The following FOXK2 variants were observed in gnomAD, a reference collection of about 807,000 sequenced individuals.
FOXK2 encodes the protein forkhead box K2.
A neutral mutation model predicts 53.3 loss-of-function variants in FOXK2; 24 were observed. The ratio of observed to expected loss-of-function variants is 0.45; its 90% CI spans 0.33 to 0.63. FOXK2 has a LOEUF of 0.63. FOXK2 is among the 30% of genes least tolerant of loss of function. FOXK2 has a pLI of 0.03. For synonymous variants in FOXK2, 505 were observed against 407.1 expected, an observed-to-expected ratio of 1.24 and a Z score of -2.89; for missense variants, 952 against 910.5, an observed-to-expected ratio of 1.05 and a Z score of -0.59.
intron 4 of FOXK2, among the ~76,000 whole-genome samples, chr17:82,581,792 T>C (rs1039431211): frequency 6.6e-6 from 1 of 152,114 alleles, no homozygotes; most frequent in African/African-American, 2.4e-5. Flanking sequence ...GTATGTTCAG[T>C]AGAGACGGGG....
intron 3 of FOXK2, among the ~76,000 whole-genome samples, chr17:82,570,135 T>C (rs2044900230): frequency 1.3e-5 from 2 of 151,804 alleles, no homozygotes; most frequent in Admixed American, 1.3e-4. Flanking sequence ...GGCAGGAGAA[T>C]GGCGTGAACC....
chr17:82,577,018 G>A (rs2044995391), intron 4 of FOXK2, among the ~76,000 whole-genome samples: 2 of 152,006 alleles, frequency 1.3e-5, no homozygotes, highest in South Asian at 4.2e-4. Flanking sequence ...TATTATTAGC[G>A]GGGTGTGGTG....
chr17:82,589,369 T>C (rs1053870818), intron 8 of FOXK2, among the ~76,000 whole-genome samples: 27 of 152,356 alleles, frequency 1.8e-4, no homozygotes, highest in African/African-American at 6.3e-4. Flanking sequence ...TGTCATTTAT[T>C]AGTCATATCT....
rs749567586 is a variant in FOXK2, at chr17:82,541,662, A to G, written c.419+21355A>G. Among the ~76,000 whole-genome samples, 21 of 151,940 alleles carry G rather than the reference A, an allele frequency of 1.4e-4. 1 individual carries two copies. Among genetic ancestry groups the G allele is most frequent in the Non-Finnish European group, 2.4e-4 (16 of 68,000 alleles). ...AATGAAAACTGATAACTTTTTTTTC[A>G]TACTTAACACACTGTGAACTGCATT... On this transcript the variant is annotated intron_variant, in intron 1 of 8. Transcript: ENST00000335255.
Position 82,585,988 on chromosome 17 carries a change from C to T in FOXK2, c.1364C>T (p.Ala455Val), listed in dbSNP as rs753468964. The T allele has an allele frequency of 1.1e-5, 17 of 1,612,722 alleles. No individual in the cohort carries two copies. Among genetic ancestry groups the T allele is most frequent in the South Asian group, 3.3e-5 (3 of 91,088 alleles). ...ATCAAGCCTGTCACCTACACTGTGG[C>T]CACCCCAGTGACCACCTCGACCTCC... The part of the protein sequence containing the change: ...QAIKPVTYTV[A>V]TPVTTSTSQP... The change falls in exon 7 of 9, where the codon GCC becomes GTC. Residue 455 changes from alanine to valine, a missense_variant. By Grantham distance (64) the Ala-to-Val change is moderately conservative (BLOSUM62 0). Transcript: ENST00000335255.
At chr17:82,576,882 G>T (rs967570377) in intron 4 of FOXK2, 10 of 487,476 alleles carry the variant, frequency 2.1e-5, no homozygotes, top group Non-Finnish European at 3.7e-5. Context: ...TATGCAGGCT[G>T]GGTGCGGTGG....
chr17:82,529,509 C>T (rs2044451903), intron 1 of FOXK2, among the ~76,000 whole-genome samples: 1 of 151,932 alleles, frequency 6.6e-6, no homozygotes, highest in Non-Finnish European at 1.5e-5. Context: ...CCTGCCTTAG[C>T]CTCCTGAGTA....
At chr17:82,569,843 C>G (rs1227826753) in intron 3 of FOXK2, among the ~76,000 whole-genome samples, 1 of 151,924 alleles carries the variant, frequency 6.6e-6, no homozygotes, top group East Asian at 1.9e-4. Flanking sequence ...GTACTCTAGC[C>G]TGGGCAACAT....
Position 82,586,010 on chromosome 17 carries a change from C to T in FOXK2, c.1386C>T (p.Thr462=), listed in dbSNP as rs986217722. 6.2e-7 allele frequency: 1 copy of T among 1,612,838 alleles called. No individual in the cohort carries two copies. Among genetic ancestry groups the T allele is most frequent in the Non-Finnish European group, 8.5e-7 (1 of 1,179,980 alleles). Residue 462 remains threonine, a synonymous_variant, in exon 7 of 9, where the codon ACC becomes ACT. Coordinates refer to ENST00000335255, the MANE Select transcript of FOXK2 (RefSeq NM_004514.4). ...TGGCCACCCCAGTGACCACCTCGAC[C>T]TCCCAGCCACCCGTCGTGCAGACGG... ...YTVATPVTTS[T]SQPPVVQTVH...
chr17:82,568,944 G>A (rs1348490851), intron 3 of FOXK2, among the ~76,000 whole-genome samples: 2 of 152,192 alleles, frequency 1.3e-5, no homozygotes, highest in African/African-American at 2.4e-5. Context: ...CCCGGGAGGC[G>A]GAGGTTGCAG....
chr17:82,590,712 A>G (rs1291160830), intron 8 of FOXK2, among the ~76,000 whole-genome samples: 1 of 152,160 alleles, frequency 6.6e-6, no homozygotes, highest in East Asian at 1.9e-4. Context: ...GGTTCCTACT[A>G]TATTAAGCAA....
At chr17:82,595,336 C>T (rs1419269729) in intron 8 of FOXK2, among the ~76,000 whole-genome samples, 2 of 152,138 alleles carry the variant, frequency 1.3e-5, no homozygotes, top group Non-Finnish European at 2.9e-5. Context: ...GAGAAAGGGT[C>T]TGTCACTCAG....
At position 82,519,813 on chromosome 17, in the gene FOXK2, C is replaced by A; in HGVS notation, c.-76C>A. The A allele has an allele frequency of 1.2e-5, 6 of 510,962 alleles. No individual in the cohort carries two copies. Among genetic ancestry groups the A allele is most frequent in the Non-Finnish European group, 1.2e-5 (5 of 400,544 alleles). The allele number at this position is 510,962 out of a possible 1,614,324, so 31.7% of individuals were successfully genotyped here. A position where few individuals can be genotyped will look rare whatever the true frequency, so the allele number is the denominator to read the frequency against. On this transcript the variant is annotated 5_prime_UTR_variant, in exon 1 of 9. Transcript: ENST00000335255. Reference sequence around the variant, plus strand: ...CTCAGCTCCGGTGCGCGGCGGCCGACGACCCGCGCGGCCTGGGCCTCGGCC... The same window carrying A: ...CTCAGCTCCGGTGCGCGGCGGCCGAAGACCCGCGCGGCCTGGGCCTCGGCC...
rs1392797090 is a variant in FOXK2 at position 82,519,986 on chromosome 17, GC to G, written c.99del (p.Gly34AlafsTer15). ...GCCGGGGGCGGCGGGTCCCCGCCGG[GC>G]GGCTGGGCCGTGGCGCGCCTGGAGG... ...GGAGGGGSPPGGWAVARLEGR... is the reference protein window; with the variant it reads ...GGAGGGGSPPXGWAVARLEGR... On this transcript the variant is annotated frameshift_variant, in exon 1 of 9. Transcript: ENST00000335255. LOFTEE classifies it high-confidence loss of function. 1 of 1,335,838 alleles carries G rather than the reference GC, an allele frequency of 7.5e-7. No individual in the cohort carries two copies. The highest frequency in any genetic ancestry group is 1.5e-5 in the African/African-American group (1 of 66,222). The allele number at this position is 1,335,838 out of a possible 1,614,324, so 82.7% of individuals were successfully genotyped here. A position where few individuals can be genotyped will look rare whatever the true frequency, so the allele number is the denominator to read the frequency against.
At chr17:82,561,903 G>C (rs1021098726) in intron 1 of FOXK2, among the ~76,000 whole-genome samples, 174 of 10,598 alleles carry the variant, frequency 0.016, 2 homozygotes, top group Non-Finnish European at 6.6e-3. Context: ...GTCTTCCTCT[G>C]TTGGGGGGGG....
intron 1 of FOXK2, among the ~76,000 whole-genome samples, chr17:82,521,756 C>G (rs2044364039): frequency 7.2e-6 from 1 of 138,198 alleles, no homozygotes; most frequent in South Asian, 2.4e-4. Context: ...ACGGTGAAAC[C>G]CGTCTCTACT....
intron 8 of FOXK2, among the ~76,000 whole-genome samples, chr17:82,589,954 G>C (rs1051567257): frequency 2.6e-5 from 4 of 152,044 alleles, no homozygotes; most frequent in African/African-American, 9.7e-5. Context: ...GCTGAGGCAG[G>C]AGAATCGCTT....
In FOXK2 at chr17:82,563,514, A is replaced by C; in HGVS notation, c.580A>C (p.Ile194Leu). ...INIPDTMAHLISPLPSPTGTI... is the reference protein window; with the variant it reads ...INIPDTMAHLLSPLPSPTGTI... ...CATTCCAGACACCATGGCCCACCTCATCAGCCCTCTGCCCTCCCCCACGGG... is the reference window on the plus strand; with the variant it reads ...CATTCCAGACACCATGGCCCACCTCCTCAGCCCTCTGCCCTCCCCCACGGG... Residue 194 changes from isoleucine to leucine, a missense_variant, in exon 2 of 9, where the codon ATC becomes CTC. Around this residue, in one of 5 missense-constraint regions of FOXK2, gnomAD observed 76 missense variants for 128.2 expected, o/e 0.59. Transcript: ENST00000335255. 1.2e-6 allele frequency: 2 copies of C among 1,613,916 alleles called. No individual in the cohort carries two copies. The highest frequency in any genetic ancestry group is 1.7e-6 in the Non-Finnish European group (2 of 1,179,918).
intron 3 of FOXK2, among the ~76,000 whole-genome samples, chr17:82,569,499 C>G (rs78277093): frequency 6.6e-6 from 1 of 152,184 alleles, no homozygotes; most frequent in Non-Finnish European, 1.5e-5. Context: ...AGGGCCCATA[C>G]GAGCATGTTG....
Sources: allele counts gnomAD v4.1 joint callset (sites outside exome capture counted in the v4.1 genomes callset), GRCh38; gene constraint gnomAD v4.1.1; regional missense constraint gnomAD v4.1.1; transcripts MANE v1.5; gene names NCBI Gene and HGNC (gene_info 2026-07-23, HGNC 2026-07-21).